ACACA: variants seen among roughly 807,000 people sequenced by gnomAD.
ACACA encodes the protein acetyl-CoA carboxylase 1.
A neutral mutation model predicts 296.1 loss-of-function variants in ACACA; 103 were observed. That is an observed-to-expected ratio of 0.35 (90% CI 0.30 to 0.41). The LOEUF (loss-of-function observed/expected upper bound fraction) is 0.41. ACACA is among the 10% of genes least tolerant of loss of function. ACACA has a pLI of 1.00. For missense variants in ACACA, 1,554 were observed against 2,989.7 expected (o/e 0.52, Z 11.20); for synonymous variants, 953 against 1,038.6 (o/e 0.92, Z 1.58).
chr17:37,349,682 A>G (rs2048805940), intron 1 of ACACA, among the ~76,000 whole-genome samples: 1 of 150,416 alleles, frequency 6.6e-6, no homozygotes, highest in Non-Finnish European at 1.5e-5. Context: ...TCAGCATCCC[A>G]AGTAGCTGGG....
chr17:37,253,103 T>C lies in ACACA; in HGVS notation c.1827-67A>G, dbSNP rs1352641653. 2.5e-6 allele frequency: 4 copies of C among 1,610,604 alleles called. No individual in the cohort carries two copies. In the South Asian group the frequency reaches 3.3e-5, roughly 13 times the overall value. On this transcript the variant is annotated intron_variant, in intron 14 of 55. Coordinates refer to ENST00000616317, the MANE Select transcript of ACACA (RefSeq NM_198834.3). ...TAATGTTTTTCAATAATTTTAAAGATCTGTTTGGCCAGGCATGGTGGCTCA... is the reference window on the plus strand; with the variant it reads ...TAATGTTTTTCAATAATTTTAAAGACCTGTTTGGCCAGGCATGGTGGCTCA...
chr17:37,405,855 CTTT>C (rs3049528), intron 1 of ACACA, among the ~76,000 whole-genome samples: 12 of 53,560 alleles, frequency 2.2e-4, no homozygotes, highest in Admixed American at 4.7e-4. Flanking sequence ...CCCGGCAGGG[CTTT>C]TTTTTTTTTT....
chr17:37,155,480 A>C lies in ACACA; in HGVS notation c.5447+203T>G, dbSNP rs1597998253. 2.6e-5 allele frequency among the ~76,000 whole-genome samples: 4 copies of C among 152,280 alleles called. No individual in the cohort carries two copies. In the East Asian group the frequency reaches 7.7e-4, roughly 29 times the overall value. On this transcript the variant is annotated intron_variant, in intron 43 of 55. Coordinates refer to ENST00000616317, the MANE Select transcript of ACACA (RefSeq NM_198834.3). ...GTTTCAGTTTTTCTAAAATGAATTAAGTATTATAAATTTAAAAACTTCAAT... is the reference window on the plus strand; with the variant it reads ...GTTTCAGTTTTTCTAAAATGAATTACGTATTATAAATTTAAAAACTTCAAT...
At chr17:37,143,782 T>A in intron 45 of ACACA, 1 of 1,060,918 alleles carries the variant, frequency 9.4e-7, no homozygotes, top group Non-Finnish European at 1.5e-6. Context: ...AACTCCCTTT[T>A]TTGCTGCATC....
At chr17:37,158,898 C>T (rs575051828) in intron 42 of ACACA, among the ~76,000 whole-genome samples, 1 of 152,094 alleles carries the variant, frequency 6.6e-6, no homozygotes, top group East Asian at 1.9e-4. Context: ...AAAAAACTGG[C>T]CAGGCACAGT....
intron 1 of ACACA, among the ~76,000 whole-genome samples, chr17:37,343,404 C>G (rs1217609749): frequency 6.6e-6 from 1 of 152,154 alleles, no homozygotes; most frequent in Non-Finnish European, 1.5e-5. Context: ...GTTTTCATAG[C>G]CACTGATAAA....
chr17:37,326,559 G>T (rs1156498499), intron 3 of ACACA, among the ~76,000 whole-genome samples: 2 of 151,414 alleles, frequency 1.3e-5, no homozygotes, highest in Non-Finnish European at 2.9e-5. Flanking sequence ...GGCTGGGCAT[G>T]CTGGCTCACG....
intron 1 of ACACA, chr17:37,367,115 C>T (rs1272268589): frequency 1.3e-5 from 2 of 150,684 alleles, no homozygotes; most frequent in African/African-American, 4.9e-5. Context: ...TATATATCAT[C>T]TCACCTCTGG....
At chr17:37,384,529 C>T (rs1025560514) in intron 1 of ACACA, among the ~76,000 whole-genome samples, 2 of 151,598 alleles carry the variant, frequency 1.3e-5, no homozygotes, top group Non-Finnish European at 2.9e-5. Flanking sequence ...ATAGGTAGAG[C>T]AAGTATTATT....
At chr17:37,301,730 C>A (rs1390362370) in intron 3 of ACACA, among the ~76,000 whole-genome samples, 1 of 152,180 alleles carries the variant, frequency 6.6e-6, no homozygotes, top group Admixed American at 6.5e-5. Context: ...GTTTTGAAAT[C>A]AGGTAGTATG....
intron 36 of ACACA, 148 bp downstream of exon 36, chr17:37,193,226 T>G (rs1477565335): frequency 1.5e-6 from 1 of 656,680 alleles, no homozygotes; most frequent in East Asian, 2.8e-5. Flanking sequence ...TTGGCTTTAG[T>G]TCTAAGACAC....
chr17:37,360,970 C>T (rs1214282451), intron 1 of ACACA, among the ~76,000 whole-genome samples: 2 of 151,744 alleles, frequency 1.3e-5, no homozygotes, highest in Admixed American at 6.6e-5. Flanking sequence ...AAAAACCATG[C>T]GGTTGCCTCT....
chr17:37,180,133 CTG>C (rs893775675), intron 40 of ACACA, among the ~76,000 whole-genome samples: 2 of 152,154 alleles, frequency 1.3e-5, no homozygotes, highest in Admixed American at 1.3e-4. Context: ...GTCCTAATCA[CTG>C]TGTTTATGCC....
At chr17:37,371,593 T>C (rs964634662) in intron 1 of ACACA, among the ~76,000 whole-genome samples, 2 of 152,200 alleles carry the variant, frequency 1.3e-5, no homozygotes, top group Middle Eastern at 3.4e-3. Context: ...ATATATGGTA[T>C]ATTCCACAAT....
At chr17:37,360,541 G>A (rs1315838382) in intron 1 of ACACA, 1 of 152,218 alleles carries the variant, frequency 6.6e-6, no homozygotes, top group Non-Finnish European at 1.5e-5. Flanking sequence ...CTGGACTGTA[G>A]TCCCACCTAC....
chr17:37,127,989 A>G (rs2074886838), intron 47 of ACACA, among the ~76,000 whole-genome samples: 2 of 128,464 alleles, frequency 1.6e-5, no homozygotes, highest in African/African-American at 6.2e-5. Context: ...ATGCCATTGT[A>G]CTCCAGCCTG....
chr17:37,383,903 T>C (rs891355699), intron 1 of ACACA, among the ~76,000 whole-genome samples: 11 of 152,174 alleles, frequency 7.2e-5, no homozygotes, highest in African/African-American at 2.7e-4. Context: ...TTCTACAAGT[T>C]TGAAACTTCC....
intron 31 of ACACA, 98 bp from the exon 32 acceptor site, chr17:37,206,977 C>G: frequency 1.8e-6 from 2 of 1,114,532 alleles, no homozygotes; most frequent in South Asian, 1.3e-5. Flanking sequence ...TCTATCTTAG[C>G]CTGGGCTCAA....
intron 45 of ACACA, among the ~76,000 whole-genome samples, chr17:37,146,672 G>A (rs1051639876): frequency 1.4e-5 from 2 of 142,106 alleles, no homozygotes; most frequent in African/African-American, 2.6e-5. Flanking sequence ...GGGGGGAAGG[G>A]GGGGGCAGAG....
Sources: gnomAD v4.1 joint callset for allele counts (sites outside exome capture counted in the v4.1 genomes callset) on GRCh38, gnomAD v4.1.1 for gene constraint, MANE v1.5 for transcripts, NCBI Gene and HGNC (gene_info 2026-07-23, HGNC 2026-07-21) for gene names.